The following MYO7B variants were observed in gnomAD, a reference collection of about 807,000 sequenced individuals.
The protein encoded by MYO7B is myosin VIIB, also known as unconventional myosin-VIIb.
Under a neutral mutation model 259.7 loss-of-function variants are expected in MYO7B, and 212 were observed. The ratio of observed to expected loss-of-function variants is 0.82; its 90% CI spans 0.73 to 0.91. The LOEUF (loss-of-function observed/expected upper bound fraction) is 0.91, where lower values mean the gene tolerates loss of function less well. Ranked by LOEUF, MYO7B falls within the 40% of genes least tolerant of loss-of-function variation. The pLI is 0.00. For synonymous variants in MYO7B, 1,197 were observed against 1,166.4 expected (o/e 1.03, Z -0.54); for missense variants, 2,732 against 2,813.5 (o/e 0.97, Z 0.66).
In MYO7B at chr2:127,625,415, C is replaced by T. The variant is rs753901812; in HGVS notation, c.4095C>T (p.Leu1365=). The change falls in exon 31 of 48, where the codon CTC becomes CTT. Residue 1365 remains leucine, a synonymous_variant. Transcript: ENST00000409816. ...ELLARHCYVQ[L]GASAESKAVQ... ...TGGCCCGGCACTGCTACGTGCAGCT[C>T]GGCGCCTCAGCAGAGAGCAAGGCTG... 1.8e-5 allele frequency: 29 copies of T among 1,608,246 alleles called. No individual in the cohort carries two copies. The highest frequency in any genetic ancestry group is 1.2e-4 in the African/African-American group (9 of 74,756).
At position 127,538,436 on chromosome 2, in the gene MYO7B, C is replaced by T. The variant is rs140117993; in HGVS notation, c.-24+2605C>T. Among the ~76,000 whole-genome samples the T allele has an allele frequency of 7.7e-3, 1,174 of 152,252 alleles. 19 individuals carry two copies. Among genetic ancestry groups the T allele is most frequent in the African/African-American group, 0.027 (1,118 of 41,546 alleles). Reference sequence around the variant, plus strand: ...ATTCAGCTCATTTAAATTTAAATAGCCACATGTGGCTAGTGGCTACCATAT... The same window carrying T: ...ATTCAGCTCATTTAAATTTAAATAGTCACATGTGGCTAGTGGCTACCATAT... On this transcript the variant is annotated intron_variant, in intron 1 of 47. Transcript: ENST00000409816.
chr2:127,567,113 G>C (rs1445114655), intron 5 of MYO7B, among the ~76,000 whole-genome samples: 1 of 152,112 alleles, frequency 6.6e-6, no homozygotes, highest in Admixed American at 6.6e-5. Context: ...TTTAGAAATG[G>C]GCCCCAGGAG....
chr2:127,581,431 TA>T (rs1165842713), intron 10 of MYO7B, among the ~76,000 whole-genome samples: 1 of 152,192 alleles, frequency 6.6e-6, no homozygotes, highest in Non-Finnish European at 1.5e-5. Flanking sequence ...AATAAATACA[TA>T]AAGCAAGCAA....
chr2:127,572,290 G>T (rs1203194453), intron 6 of MYO7B, among the ~76,000 whole-genome samples: 5 of 152,004 alleles, frequency 3.3e-5, no homozygotes, highest in Admixed American at 1.3e-4. Flanking sequence ...ATGGTGGCAT[G>T]CGCCTATAAT....
Position 127,588,378 on chromosome 2 carries a change from C to T in MYO7B, c.1691-14C>T, listed in dbSNP as rs912853092. The T allele has an allele frequency of 6.2e-7, 1 of 1,611,612 alleles. No individual in the cohort carries two copies. Reference sequence around the variant, plus strand: ...GCTAAGCTGGGATGCTGGGTGGGCCCTGTGTCTCCACAGGCTTCCTGGAGA... The same window carrying T: ...GCTAAGCTGGGATGCTGGGTGGGCCTTGTGTCTCCACAGGCTTCCTGGAGA... On this transcript the variant is annotated splice_polypyrimidine_tract_variant and intron_variant, in intron 14 of 47. Transcript: ENST00000409816.
intron 1 of MYO7B, among the ~76,000 whole-genome samples, chr2:127,549,650 A>G (rs749430601): frequency 6.6e-6 from 1 of 152,170 alleles, no homozygotes; most frequent in Non-Finnish European, 1.5e-5. Flanking sequence ...ATGAGGTGCT[A>G]TGGTCACTTT....
At chr2:127,624,839 C>T (rs1294452319) in intron 30 of MYO7B, among the ~76,000 whole-genome samples, 4 of 152,330 alleles carry the variant, frequency 2.6e-5, no homozygotes, top group South Asian at 2.1e-4. Flanking sequence ...GCAGCAGGCA[C>T]AACCCTCCCT....
chr2:127,591,686 G>C (rs1415911961), intron 16 of MYO7B, among the ~76,000 whole-genome samples: 1 of 152,228 alleles, frequency 6.6e-6, no homozygotes, highest in Non-Finnish European at 1.5e-5. Context: ...AGTGCCTGCT[G>C]GTGGGTTTGC....
In MYO7B at chr2:127,631,593, GC is replaced by G. The variant is rs1472733441; in HGVS notation, c.5096-5del. ...TGCCCCAGCACTGTGCTCCTTGACA[GC>G]CACACCCATCCTCCGGTACATGGGC... On this transcript the variant is annotated splice_region_variant and splice_polypyrimidine_tract_variant and intron_variant, in intron 37 of 47. Transcript: ENST00000409816. The G allele has an allele frequency of 1.2e-6, 2 of 1,612,594 alleles. No individual in the cohort carries two copies. The highest frequency in any genetic ancestry group is 2.7e-5 in the African/African-American group (2 of 74,926).
At position 127,615,831 on chromosome 2, in the gene MYO7B, T is replaced by C. The variant is rs1321634279; in HGVS notation, c.3398+3228T>C. On this transcript the variant is annotated intron_variant, in intron 26 of 47. Coordinates refer to ENST00000409816, the MANE Select transcript of MYO7B (RefSeq NM_001393586.1). The surrounding 1 kb of genome is among the most constrained non-coding windows in gnomAD (Gnocchi z 4.4). ...CAATTGCAGGCTGTGCAGCCCTTAA[T>C]TGCCAGTTGGTGGTTTGTTCCGTCT... 1.3e-5 allele frequency among the ~76,000 whole-genome samples: 2 copies of C among 152,262 alleles called. No individual in the cohort carries two copies. Among genetic ancestry groups the C allele is most frequent in the Admixed American group, 6.5e-5 (1 of 15,292 alleles).
intron 2 of MYO7B, among the ~76,000 whole-genome samples, chr2:127,562,107 C>G (rs1288182474): frequency 6.6e-6 from 1 of 152,062 alleles, no homozygotes; most frequent in Non-Finnish European, 1.5e-5. Context: ...GGATTAGGAC[C>G]ACACCCTTAG....
At chr2:127,581,658 G>A (rs994798397) in intron 10 of MYO7B, among the ~76,000 whole-genome samples, 1 of 152,086 alleles carries the variant, frequency 6.6e-6, no homozygotes, top group Non-Finnish European at 1.5e-5. Flanking sequence ...CAGGCTGGGG[G>A]AGCCAGCCCC....
intron 18 of MYO7B, among the ~76,000 whole-genome samples, chr2:127,594,068 G>A (rs111691077): frequency 2.0e-5 from 3 of 152,258 alleles, no homozygotes; most frequent in Non-Finnish European, 2.9e-5. Context: ...TGCAGAGCCC[G>A]GAGGGCTACT....
chr2:127,608,441 G>A (rs1441971818), intron 21 of MYO7B, among the ~76,000 whole-genome samples: 2 of 152,186 alleles, frequency 1.3e-5, no homozygotes, highest in African/African-American at 4.8e-5. Flanking sequence ...GGTGCCTTAA[G>A]AGCCATCTGA....
chr2:127,582,730 C>T lies in MYO7B; in HGVS notation c.1343+284C>T, dbSNP rs541156318. On this transcript the variant is annotated intron_variant, in intron 12 of 47. Coordinates refer to ENST00000409816, the MANE Select transcript of MYO7B (RefSeq NM_001393586.1). ...GCCAGAGTGGATTATCACACGAGGTCAGGGTTGAAACAGAAATCAATAACA... is the reference window on the plus strand; with the variant it reads ...GCCAGAGTGGATTATCACACGAGGTTAGGGTTGAAACAGAAATCAATAACA... Among the ~76,000 whole-genome samples the T allele has an allele frequency of 1.5e-4, 19 of 124,058 alleles. No homozygotes were observed. In the South Asian group the frequency reaches 6.6e-3, roughly 43 times the overall value. The allele number at this position is 124,058 out of a possible 152,430, so 81.4% of individuals were successfully genotyped here.
rs376693425 is a variant in MYO7B, at chr2:127,573,962, G to A, written c.635G>A (p.Arg212His). Reference protein sequence around the residue: ...AKTIRNDNSSRFGKYIDIYFN... With the variant: ...AKTIRNDNSSHFGKYIDIYFN... ...ACAATCCGCAACGACAACTCAAGCC[G>A]CTTTGGGAAGTACATTGACATCTAC... Residue 212 changes from arginine (R) to histidine (H), a missense_variant, in exon 7 of 48, where the codon CGC becomes CAC. Transcript: ENST00000409816. 6.3e-5 allele frequency: 102 copies of A among 1,613,902 alleles called. No individual in the cohort carries two copies. Among genetic ancestry groups the A allele is most frequent in the Non-Finnish European group, 7.5e-5 (88 of 1,179,896 alleles).
Position 127,626,964 on chromosome 2 carries a change from TC to T in MYO7B, c.4216-5del, listed in dbSNP as rs779784556. 44 of 1,604,258 alleles carry T rather than the reference TC, an allele frequency of 2.7e-5. No individual in the cohort carries two copies. The highest frequency in any genetic ancestry group is 1.6e-4 in the African/African-American group (12 of 74,666). On this transcript the variant is annotated splice_polypyrimidine_tract_variant and intron_variant, in intron 31 of 47. Transcript: ENST00000409816. ...CAGGTGACGGAGGTGACATCCAGGA[TC>T]CCCCCTCAGGCCCCATACACTCAGA... is the stretch of plus-strand genomic sequence containing the variant.
chr2:127,631,734 C>T lies in MYO7B; in HGVS notation c.5230C>T (p.Leu1744=). 1.2e-6 allele frequency: 2 copies of T among 1,612,680 alleles called. No individual in the cohort carries two copies. Among genetic ancestry groups the T allele is most frequent in the South Asian group, 2.2e-5 (2 of 91,060 alleles). ...GGTCTACTGCCAGATCCTGAAGCAG[C>T]TGACGCACAACTCCAACAGGTCTGC... is the stretch of plus-strand genomic sequence containing the variant. ...DEVYCQILKQ[L]THNSNRHSEE... The change falls in exon 38 of 48, where the codon CTG becomes TTG. Residue 1744 remains leucine (L), a synonymous_variant. Transcript: ENST00000409816.
At chr2:127,578,809 C>T (rs1051382146) in intron 9 of MYO7B, among the ~76,000 whole-genome samples, 6 of 152,028 alleles carry the variant, frequency 3.9e-5, no homozygotes, top group South Asian at 2.1e-4. Context: ...GAACAAGAAC[C>T]GGCAGAAATA....
Sources: gnomAD v4.1 joint callset for allele counts (sites outside exome capture counted in the v4.1 genomes callset) on GRCh38, gnomAD v4.1.1 for gene constraint, Gnocchi (gnomAD v3.1) non-coding constraint, MANE v1.5 for transcripts, NCBI Gene and HGNC (gene_info 2026-07-23, HGNC 2026-07-21) for gene names.